FHIT: variants seen among roughly 807,000 people sequenced by gnomAD.
The protein encoded by FHIT is bis(5'-adenosyl)-triphosphatase.
Under a neutral mutation model 17.9 loss-of-function variants are expected in FHIT, and 19 were observed. That is an observed-to-expected ratio of 1.06 (90% CI 0.74 to 1.56). FHIT has a LOEUF of 1.56. Ranked by LOEUF, FHIT falls within the 40% of genes most tolerant of loss-of-function variation. The pLI, the probability that FHIT is intolerant of heterozygous loss-of-function variation, is 0.00. For synonymous variants in FHIT, 81 were observed against 69.7 expected, an observed-to-expected ratio of 1.16 and a Z score of -0.81; for missense variants, 248 against 189.2, an observed-to-expected ratio of 1.31 and a Z score of -1.82.
At chr3:60,006,815 A>G (rs1007224989) in intron 7 of FHIT, among the ~76,000 whole-genome samples, 4 of 152,194 alleles carry the variant, frequency 2.6e-5, no homozygotes, top group African/African-American at 9.6e-5. Context: ...CCTCATTTTC[A>G]TGAATCTGAA....
At chr3:60,231,831 C>G (rs912274340) in intron 5 of FHIT, among the ~76,000 whole-genome samples, 4 of 152,120 alleles carry the variant, frequency 2.6e-5, no homozygotes, top group African/African-American at 9.7e-5. Context: ...AAGGATTTTA[C>G]AGATGTAATT....
rs72877008 is a variant in FHIT at position 59,969,983 on chromosome 3, T to C, written c.279+41388A>G. On this transcript the variant is annotated intron_variant, in intron 7 of 9. Transcript: ENST00000492590. ...CAAATGCACATCTCCCTCCAGAAAATTGTGTTTTCTTTTCACCCCACCCAG... is the reference window on the plus strand; with the variant it reads ...CAAATGCACATCTCCCTCCAGAAAACTGTGTTTTCTTTTCACCCCACCCAG... Among the ~76,000 whole-genome samples, 442 of 152,044 alleles carry C rather than the reference T, an allele frequency of 2.9e-3. 3 individuals carry two copies. The highest frequency in any genetic ancestry group is 0.01 in the African/African-American group (422 of 41,488).
At chr3:61,110,506 T>C (rs2036126631) in intron 2 of FHIT, among the ~76,000 whole-genome samples, 1 of 152,146 alleles carries the variant, frequency 6.6e-6, no homozygotes, top group Non-Finnish European at 1.5e-5. Context: ...TCTAACCCAA[T>C]ATCCTTCCTT....
intron 5 of FHIT, among the ~76,000 whole-genome samples, chr3:60,073,129 C>G (rs2106987909): frequency 6.6e-6 from 1 of 152,250 alleles, no homozygotes; most frequent in Non-Finnish European, 1.5e-5. Flanking sequence ...ATTAACAATT[C>G]AAGTGACTGA....
chr3:60,752,072 G>A lies in FHIT; in HGVS notation c.-18+69847C>T, dbSNP rs577062896. ...TTTATAAAATTTTGTGTTTTTCTAC[G>A]TACACGCATAATGAGACATTTGTTG... On this transcript the variant is annotated intron_variant, in intron 4 of 9. Transcript: ENST00000492590. 1.8e-4 allele frequency among the ~76,000 whole-genome samples: 27 copies of A among 152,234 alleles called. No homozygotes were observed. In the South Asian group the frequency reaches 1.9e-3, roughly 11 times the overall value.
chr3:59,949,921 A>C (rs1707030458), intron 7 of FHIT, among the ~76,000 whole-genome samples: 1 of 152,232 alleles, frequency 6.6e-6, no homozygotes, highest in South Asian at 2.1e-4. Context: ...ACAATGCATA[A>C]TTAAACAATG....
intron 8 of FHIT, among the ~76,000 whole-genome samples, chr3:59,794,884 A>G (rs1437903838): frequency 1.3e-5 from 2 of 151,942 alleles, no homozygotes; most frequent in East Asian, 3.9e-4. Context: ...AAGCGTATAG[A>G]CTCTGCAGTT....
At chr3:60,487,564 G>A (rs530518196) in intron 5 of FHIT, among the ~76,000 whole-genome samples, 4 of 152,264 alleles carry the variant, frequency 2.6e-5, no homozygotes, top group African/African-American at 9.6e-5. Flanking sequence ...GCAATTAATA[G>A]GTACAGTTAT....
chr3:60,392,637 A>T (rs1474245306), intron 5 of FHIT, among the ~76,000 whole-genome samples: 2 of 152,170 alleles, frequency 1.3e-5, no homozygotes, highest in African/African-American at 2.4e-5. Flanking sequence ...GCTGCAGACA[A>T]GAGCTTTCTA....
chr3:60,318,396 A>G (rs747543436), intron 5 of FHIT, among the ~76,000 whole-genome samples: 4 of 152,240 alleles, frequency 2.6e-5, no homozygotes, highest in African/African-American at 9.6e-5. Flanking sequence ...AATGACAGCA[A>G]AAGTTGCAAA....
At chr3:60,391,533 T>C (rs1441639613) in intron 5 of FHIT, among the ~76,000 whole-genome samples, 4 of 152,220 alleles carry the variant, frequency 2.6e-5, no homozygotes, top group Admixed American at 1.3e-4. Flanking sequence ...GCTCCATCCA[T>C]GGTAAGTGCC....
chr3:60,086,291 C>T (rs909156557), intron 5 of FHIT, among the ~76,000 whole-genome samples: 6 of 152,174 alleles, frequency 3.9e-5, no homozygotes, highest in Non-Finnish European at 7.3e-5. Context: ...CTCCCCCAGG[C>T]CCCACCTCCC....
At chr3:61,199,640 C>T (rs998371594) in intron 2 of FHIT, among the ~76,000 whole-genome samples, 1 of 151,838 alleles carries the variant, frequency 6.6e-6, no homozygotes, top group Non-Finnish European at 1.5e-5. Flanking sequence ...AAAATTCAGC[C>T]CCAGAAATAG....
intron 4 of FHIT, among the ~76,000 whole-genome samples, chr3:60,818,112 G>A (rs1228319539): frequency 6.6e-6 from 1 of 151,766 alleles, no homozygotes; most frequent in East Asian, 1.9e-4. Flanking sequence ...GGTTCTTTTT[G>A]CAGTTTCTGT....
intron 3 of FHIT, among the ~76,000 whole-genome samples, chr3:60,901,214 A>C (rs1191657163): frequency 6.6e-6 from 1 of 152,138 alleles, no homozygotes; most frequent in Non-Finnish European, 1.5e-5. Context: ...TTAAAACTTC[A>C]ATGTTTTGTT....
intron 5 of FHIT, among the ~76,000 whole-genome samples, chr3:60,308,105 C>G (rs1048567500): frequency 1.3e-5 from 2 of 152,092 alleles, no homozygotes; most frequent in African/African-American, 4.8e-5. Flanking sequence ...GGGAGTTGAA[C>G]TTGATAAATC....
intron 4 of FHIT, among the ~76,000 whole-genome samples, chr3:60,602,724 C>T (rs1281088649): frequency 5.3e-5 from 8 of 152,066 alleles, no homozygotes; most frequent in African/African-American, 1.2e-4. Context: ...ATGTCTTCTC[C>T]AAATTCATAT....
chr3:60,718,293 A>C (rs1173318836), intron 4 of FHIT, among the ~76,000 whole-genome samples: 1 of 152,326 alleles, frequency 6.6e-6, no homozygotes, highest in South Asian at 2.1e-4. Flanking sequence ...AAATGACTCA[A>C]TGTAAATGTC....
chr3:60,835,935 G>A (rs1553743737), intron 3 of FHIT, among the ~76,000 whole-genome samples: 1 of 152,120 alleles, frequency 6.6e-6, no homozygotes, highest in Non-Finnish European at 1.5e-5. Flanking sequence ...TTTAAGAGTT[G>A]GTTTTGTGTT....
Sources: gnomAD v4.1 joint callset for allele counts (sites outside exome capture counted in the v4.1 genomes callset) on GRCh38, gnomAD v4.1.1 for gene constraint, MANE v1.5 for transcripts, NCBI Gene and HGNC (gene_info 2026-07-23, HGNC 2026-07-21) for gene names.